The following MED13L variants were observed in gnomAD, a reference collection of about 807,000 sequenced individuals.
MED13L encodes mediator of RNA polymerase II transcription subunit 13-like.
In MED13L, 7 loss-of-function variants were observed where a neutral mutation model predicts 220.9. That is an observed-to-expected ratio of 0.03 (90% CI 0.02 to 0.06). The LOEUF is 0.06. Among genes scored for constraint, MED13L ranks in the 10% least tolerant of loss-of-function variants. The probability of loss-of-function intolerance (pLI) is 1.00; values close to 1 mark genes in which losing one functional copy is unlikely to be tolerated. For missense variants in MED13L, 1,965 were observed against 2,760.5 expected, an observed-to-expected ratio of 0.71 and a Z score of 6.46; for synonymous variants, 1,011 against 1,015.2, an observed-to-expected ratio of 1.00 and a Z score of 0.08.
At chr12:116,028,444 C>CG (rs1203201739) in intron 4 of MED13L, among the ~76,000 whole-genome samples, 1 of 152,038 alleles carries the variant, frequency 6.6e-6, no homozygotes, top group African/African-American at 2.4e-5. Context: ...CTTTCTGATT[C>CG]GGGGGGAAGG....
chr12:116,223,435 C>T (rs941206509), intron 2 of MED13L, among the ~76,000 whole-genome samples: 2 of 152,070 alleles, frequency 1.3e-5, no homozygotes, highest in African/African-American at 4.8e-5. Flanking sequence ...AGGCCCAGTG[C>T]GATGGATCAC....
At chr12:116,091,777 T>C (rs1311656385) in intron 4 of MED13L, among the ~76,000 whole-genome samples, 1 of 152,258 alleles carries the variant, frequency 6.6e-6, no homozygotes, top group African/African-American at 2.4e-5. Context: ...TTATAGTACA[T>C]GTTTTACATG....
intron 2 of MED13L, among the ~76,000 whole-genome samples, chr12:116,234,073 G>A (rs568180837): frequency 2.6e-5 from 4 of 151,940 alleles, no homozygotes; most frequent in East Asian, 1.9e-4. Context: ...TTGGTAGGAC[G>A]CTATTTGGAG....
At chr12:116,001,105 T>C (rs1592934352) in intron 14 of MED13L, among the ~76,000 whole-genome samples, 1 of 152,220 alleles carries the variant, frequency 6.6e-6, no homozygotes, top group Non-Finnish European at 1.5e-5. Flanking sequence ...TTTTTTTAAA[T>C]AGCCACTAGA....
chr12:116,247,206 T>C (rs1040533046), intron 1 of MED13L, among the ~76,000 whole-genome samples: 2 of 151,888 alleles, frequency 1.3e-5, no homozygotes, highest in East Asian at 1.9e-4. Context: ...GATTCTTTAA[T>C]TGAATTCTGT....
intron 2 of MED13L, among the ~76,000 whole-genome samples, chr12:116,136,592 G>C (rs749111313): frequency 6.6e-6 from 1 of 152,138 alleles, no homozygotes; most frequent in Non-Finnish European, 1.5e-5. Context: ...CCACAGAACA[G>C]GCAAGCCAAA....
chr12:116,182,763 A>G lies in MED13L; in HGVS notation c.310+54705T>C, dbSNP rs182198183. Among the ~76,000 whole-genome samples the G allele has an allele frequency of 2.0e-3, 302 of 152,312 alleles. 1 individual carries two copies. The highest frequency in any genetic ancestry group is 6.2e-3 in the African/African-American group (257 of 41,562). ...TGGAAACTAATGGACTCTAACATAT[A>G]TTACATGTTTACTCTCCCCACCCCA... On this transcript the variant is annotated intron_variant, in intron 2 of 30. Coordinates refer to ENST00000281928, the MANE Select transcript of MED13L (RefSeq NM_015335.5).
At chr12:116,084,722 T>C (rs11067902) in intron 4 of MED13L, among the ~76,000 whole-genome samples, 21,563 of 150,612 alleles carry the variant, frequency 0.14, 2,761 homozygotes, top group East Asian at 0.39. Flanking sequence ...GAGGCGGAGG[T>C]TGCAGTGAGC....
chr12:116,146,663 C>G (rs762540305), intron 2 of MED13L, among the ~76,000 whole-genome samples: 1 of 151,814 alleles, frequency 6.6e-6, no homozygotes. Flanking sequence ...GCCAGGAATT[C>G]GAGACCAGCC....
intron 4 of MED13L, among the ~76,000 whole-genome samples, chr12:116,083,321 T>G (rs1428986213): frequency 6.7e-6 from 1 of 149,552 alleles, no homozygotes; most frequent in Non-Finnish European, 1.5e-5. Flanking sequence ...TGAGGATCAC[T>G]TGAACCCGGC....
At chr12:116,133,744 T>TG (rs1876277695) in intron 2 of MED13L, among the ~76,000 whole-genome samples, 1 of 152,196 alleles carries the variant, frequency 6.6e-6, no homozygotes, top group Admixed American at 6.5e-5. Context: ...AGTGACTGTA[T>TG]GTTAGTCTCC....
chr12:116,071,410 TTTG>T (rs1039583975), intron 4 of MED13L, among the ~76,000 whole-genome samples: 4 of 152,308 alleles, frequency 2.6e-5, no homozygotes, highest in South Asian at 2.1e-4. Flanking sequence ...TCCACTTGCT[TTTG>T]TTGTTGTTTT....
At chr12:115,994,775 T>C (rs1322525703) in intron 16 of MED13L, among the ~76,000 whole-genome samples, 1 of 152,224 alleles carries the variant, frequency 6.6e-6, no homozygotes, top group Non-Finnish European at 1.5e-5. Flanking sequence ...AGGATCTAGC[T>C]GAGTAAGCTA....
At chr12:116,196,279 T>C (rs1025077549) in intron 2 of MED13L, among the ~76,000 whole-genome samples, 1 of 152,086 alleles carries the variant, frequency 6.6e-6, no homozygotes, top group East Asian at 1.9e-4. Context: ...GAGGGCCAAA[T>C]TGTGTACAGA....
At chr12:116,082,116 C>T (rs1871278423) in intron 4 of MED13L, among the ~76,000 whole-genome samples, 1 of 152,142 alleles carries the variant, frequency 6.6e-6, no homozygotes, top group Non-Finnish European at 1.5e-5. Context: ...CTTCCAATGA[C>T]AGACTATGCC....
At chr12:116,017,054 G>A (rs1475307954) in intron 7 of MED13L, among the ~76,000 whole-genome samples, 1 of 152,138 alleles carries the variant, frequency 6.6e-6, no homozygotes, top group African/African-American at 2.4e-5. Flanking sequence ...CCTATGATAT[G>A]AAAATTTAGG....
intron 4 of MED13L, among the ~76,000 whole-genome samples, chr12:116,053,091 T>TC (rs1468731805): frequency 6.6e-6 from 1 of 152,200 alleles, no homozygotes; most frequent in East Asian, 1.9e-4. Context: ...AAACATTTTC[T>TC]CCATGTGTCA....
intron 2 of MED13L, among the ~76,000 whole-genome samples, chr12:116,212,360 A>G (rs1034033277): frequency 6.6e-6 from 1 of 152,320 alleles, no homozygotes; most frequent in East Asian, 1.9e-4. Context: ...AAGGGTTGAT[A>G]GTATTATTAT....
chr12:116,187,675 G>A (rs561762458), intron 2 of MED13L, among the ~76,000 whole-genome samples: 1 of 152,046 alleles, frequency 6.6e-6, no homozygotes, highest in African/African-American at 2.4e-5. Flanking sequence ...AATCATAGGG[G>A]ATGTATAGAA....
Sources: gnomAD v4.1 joint callset for allele counts (sites outside exome capture counted in the v4.1 genomes callset) on GRCh38, gnomAD v4.1.1 for gene constraint, MANE v1.5 for transcripts, NCBI Gene and HGNC (gene_info 2026-07-23, HGNC 2026-07-21) for gene names.